The following RXRG variants were observed in gnomAD, a reference collection of about 807,000 sequenced individuals.
The protein encoded by RXRG is retinoic acid receptor RXR-gamma.
A neutral mutation model predicts 49.2 loss-of-function variants in RXRG; 19 were observed. That is an observed-to-expected ratio of 0.39 (90% CI 0.27 to 0.57). The LOEUF is 0.57. RXRG is among the 20% of genes least tolerant of loss of function. RXRG has a pLI of 0.64. For missense variants in RXRG, 452 were observed against 592.5 expected (o/e 0.76, Z 2.46); for synonymous variants, 224 against 216.6 (o/e 1.03, Z -0.30).
At chr1:165,419,763 C>T in intron 3 of RXRG, 107 bp downstream of exon 3, 2 of 999,176 alleles carry the variant, frequency 2.0e-6, no homozygotes, top group East Asian at 2.8e-5. Flanking sequence ...CCAGTTAGCC[C>T]ATCCTAAAGG....
At chr1:165,441,231 C>T (rs285481) in intron 1 of RXRG, among the ~76,000 whole-genome samples, 63,284 of 152,120 alleles carry the variant, frequency 0.42, 13,949 homozygotes, top group East Asian at 0.7. Flanking sequence ...CAGAGATCAC[C>T]GTTGCTCTTA....
chr1:165,417,111 G>A lies in RXRG; in HGVS notation c.552C>T (p.Asp184=). ...ACTGGCAGCGGTTGCGCTGACGCTTGTCAATGAGGCAGTCTTTATTATCCC... is the reference window on the plus strand; with the variant it reads ...ACTGGCAGCGGTTGCGCTGACGCTTATCAATGAGGCAGTCTTTATTATCCC... ...TCRDNKDCLI[D]KRQRNRCQYC... Residue 184 remains aspartate (D), a synonymous_variant, in exon 4 of 10, where the codon GAC becomes GAT. Coordinates refer to ENST00000359842, the MANE Select transcript of RXRG (RefSeq NM_006917.5). 6.2e-7 allele frequency: 1 copy of A among 1,614,188 alleles called. No homozygotes were observed. The highest frequency in any genetic ancestry group is 8.5e-7 in the Non-Finnish European group (1 of 1,180,006).
intron 4 of RXRG, among the ~76,000 whole-genome samples, chr1:165,414,086 C>A (rs1658043705): frequency 1.3e-5 from 2 of 152,186 alleles, no homozygotes; most frequent in African/African-American, 2.4e-5. Flanking sequence ...GACAGGCTAT[C>A]CAGTAGCCTT....
chr1:165,410,429 C>A (rs1459642929), intron 6 of RXRG, among the ~76,000 whole-genome samples: 1 of 152,142 alleles, frequency 6.6e-6, no homozygotes, highest in African/African-American at 2.4e-5. Context: ...CAATAATGAG[C>A]CACTGCTTCA....
At chr1:165,434,272 ATGTGTGTATG>A (rs1333842947) in intron 1 of RXRG, among the ~76,000 whole-genome samples, 2 of 66,722 alleles carry the variant, frequency 3.0e-5, no homozygotes, top group Non-Finnish European at 8.5e-5. Context: ...AATGAATTGC[ATGTGTGTATG>A]TGTGTGTGTG....
At chr1:165,440,968 C>A (rs1271968396) in intron 1 of RXRG, among the ~76,000 whole-genome samples, 1 of 152,206 alleles carries the variant, frequency 6.6e-6, no homozygotes, top group African/African-American at 2.4e-5. Context: ...ACAGTTACTC[C>A]TTTCCACATA....
At chr1:165,444,812 G>A (rs771359442) in intron 1 of RXRG, 33 bp downstream of exon 1, 2 of 1,596,142 alleles carry the variant, frequency 1.3e-6, no homozygotes, top group Non-Finnish European at 1.7e-6. Context: ...TCTCATACAG[G>A]TCCACGCAGT....
At chr1:165,434,016 G>A (rs996415907) in intron 1 of RXRG, among the ~76,000 whole-genome samples, 1 of 152,138 alleles carries the variant, frequency 6.6e-6, no homozygotes, top group African/African-American at 2.4e-5. Context: ...TCTAGGTTGA[G>A]GTTCTGCCAC....
chr1:165,436,625 C>T (rs1409807101), intron 1 of RXRG, among the ~76,000 whole-genome samples: 2 of 152,134 alleles, frequency 1.3e-5, no homozygotes. Flanking sequence ...CAGAAAACTA[C>T]GTTTTAACAA....
chr1:165,425,770 C>T (rs1434958099), intron 2 of RXRG, among the ~76,000 whole-genome samples: 6 of 152,214 alleles, frequency 3.9e-5, no homozygotes, highest in East Asian at 3.9e-4. Flanking sequence ...ACTCTCTTTG[C>T]TCCCTTCAGG....
At chr1:165,414,545 T>C (rs1658067567) in intron 4 of RXRG, among the ~76,000 whole-genome samples, 1 of 152,214 alleles carries the variant, frequency 6.6e-6, no homozygotes, top group South Asian at 2.1e-4. Context: ...TTCAATATCA[T>C]GTGCTTAATG....
chr1:165,444,832 G>T lies in RXRG; in HGVS notation c.49+13C>A. On this transcript the variant is annotated intron_variant, in intron 1 of 9. Transcript: ENST00000359842. ...TACAGGTCCACGCAGTGAAGCCCAA[G>T]GGAGATACTTACCTCCATAGCCTGC... is the stretch of plus-strand genomic sequence containing the variant. 1 of 1,611,674 alleles carries T rather than the reference G, an allele frequency of 6.2e-7. No homozygotes were observed. Among genetic ancestry groups the T allele is most frequent in the Non-Finnish European group, 8.5e-7 (1 of 1,177,732 alleles).
chr1:165,422,678 T>C (rs185176259), intron 2 of RXRG, among the ~76,000 whole-genome samples: 1 of 152,130 alleles, frequency 6.6e-6, no homozygotes, highest in Admixed American at 6.5e-5. Flanking sequence ...GCTAGGAGAA[T>C]TGATTTAGTT....
At chr1:165,402,867 T>TACTCACACATGTGCACAC (rs1220710954) in intron 9 of RXRG, among the ~76,000 whole-genome samples, 2 of 152,036 alleles carry the variant, frequency 1.3e-5, no homozygotes, top group African/African-American at 4.8e-5. Flanking sequence ...ACAATACACA[T>TACTCACACATGTGCACAC]ACTCACACAT....
intron 1 of RXRG, among the ~76,000 whole-genome samples, chr1:165,439,522 A>AT (rs1400507169): frequency 6.6e-6 from 1 of 152,228 alleles, no homozygotes; most frequent in Non-Finnish European, 1.5e-5. Context: ...GCGTCAACCC[A>AT]TCAGCTAATG....
intron 1 of RXRG, among the ~76,000 whole-genome samples, chr1:165,437,689 T>C (rs765889518): frequency 3.3e-5 from 5 of 152,168 alleles, no homozygotes; most frequent in Admixed American, 6.5e-5. Context: ...GGCACCCTCA[T>C]TGGCATCTGC....
chr1:165,426,537 C>G (rs1658493050), intron 2 of RXRG, among the ~76,000 whole-genome samples: 1 of 152,186 alleles, frequency 6.6e-6, no homozygotes. Flanking sequence ...TATGCTATAA[C>G]TCCACATGAA....
intron 1 of RXRG, among the ~76,000 whole-genome samples, chr1:165,431,766 G>C (rs1658681080): frequency 1.3e-5 from 2 of 152,062 alleles, no homozygotes. Context: ...ATCACCCCAA[G>C]AATTCCAGGG....
chr1:165,443,367 G>C (rs1438475445), intron 1 of RXRG, among the ~76,000 whole-genome samples: 1 of 152,174 alleles, frequency 6.6e-6, no homozygotes, highest in Non-Finnish European at 1.5e-5. Flanking sequence ...GAATGGGACT[G>C]AGGTGGGAAT....
Sources: gnomAD v4.1 joint callset for allele counts (sites outside exome capture counted in the v4.1 genomes callset) on GRCh38, gnomAD v4.1.1 for gene constraint, MANE v1.5 for transcripts, NCBI Gene and HGNC (gene_info 2026-07-23, HGNC 2026-07-21) for gene names.